The following NDUFAF2 variants were observed in gnomAD, a reference collection of about 807,000 sequenced individuals.
NDUFAF2 encodes the protein NADH dehydrogenase [ubiquinone] 1 alpha subcomplex assembly factor 2.
A neutral mutation model predicts 22.8 loss-of-function variants in NDUFAF2; 13 were observed. The ratio of observed to expected loss-of-function variants is 0.57; its 90% confidence interval spans 0.37 to 0.91. NDUFAF2 has a LOEUF of 0.91. NDUFAF2 is among the 40% of genes least tolerant of loss of function. NDUFAF2 has a pLI of 0.01. For synonymous variants in NDUFAF2, 53 were observed against 64.2 expected, an observed-to-expected ratio of 0.83 and a Z score of 0.84; for missense variants, 162 against 195.2, an observed-to-expected ratio of 0.83 and a Z score of 1.01.
At chr5:60,956,343 T>G (rs1750615770) in intron 1 of NDUFAF2, among the ~76,000 whole-genome samples, 1 of 152,192 alleles carries the variant, frequency 6.6e-6, no homozygotes, top group Admixed American at 6.5e-5. Flanking sequence ...ATGCCATTTA[T>G]TTGTTTTTCT....
chr5:61,034,920 G>GTA (rs2112611841), intron 1 of NDUFAF2, among the ~76,000 whole-genome samples: 1 of 151,584 alleles, frequency 6.6e-6, no homozygotes, highest in East Asian at 1.9e-4. Context: ...ATATGTGTGT[G>GTA]TGTGTGTGTG....
At chr5:61,044,841 GT>G (rs1751926919) in intron 1 of NDUFAF2, among the ~76,000 whole-genome samples, 1 of 151,742 alleles carries the variant, frequency 6.6e-6, no homozygotes, top group African/African-American at 2.4e-5. Flanking sequence ...TTTTAAGATT[GT>G]TTTTTCTATC....
chr5:60,953,894 A>T (rs1750580572), intron 1 of NDUFAF2, among the ~76,000 whole-genome samples: 1 of 152,172 alleles, frequency 6.6e-6, no homozygotes, highest in African/African-American at 2.4e-5. Context: ...TAGTCGGTAT[A>T]AAATTATTTG....
At chr5:61,000,561 C>T (rs1046268615) in intron 1 of NDUFAF2, among the ~76,000 whole-genome samples, 6 of 152,098 alleles carry the variant, frequency 3.9e-5, no homozygotes, top group African/African-American at 1.4e-4. Flanking sequence ...TCTCTAACAA[C>T]AATGAAATTA....
At chr5:61,110,026 G>C (rs866749958) in intron 3 of NDUFAF2, among the ~76,000 whole-genome samples, 2 of 152,090 alleles carry the variant, frequency 1.3e-5, no homozygotes, top group Admixed American at 6.6e-5. Context: ...TATCATGAAA[G>C]GATGTTGAAT....
At chr5:60,966,795 C>T (rs748995416) in intron 1 of NDUFAF2, among the ~76,000 whole-genome samples, 11 of 152,038 alleles carry the variant, frequency 7.2e-5, no homozygotes, top group Non-Finnish European at 1.0e-4. Context: ...CAGCCTTGTT[C>T]CTTCTGCTCA....
intron 1 of NDUFAF2, among the ~76,000 whole-genome samples, chr5:61,028,881 G>T (rs904246566): frequency 2.0e-5 from 3 of 152,020 alleles, no homozygotes; most frequent in Non-Finnish European, 1.5e-5. Flanking sequence ...TATATTTTGT[G>T]TATTATCTCT....
intron 2 of NDUFAF2, among the ~76,000 whole-genome samples, chr5:61,089,767 A>AT (rs2111753536): frequency 6.6e-6 from 1 of 152,226 alleles, no homozygotes; most frequent in Admixed American, 6.6e-5. Flanking sequence ...TACATTCAGT[A>AT]TTTAAGTTCT....
At chr5:61,130,435 A>G (rs1308128334) in intron 3 of NDUFAF2, among the ~76,000 whole-genome samples, 2 of 152,244 alleles carry the variant, frequency 1.3e-5, no homozygotes, top group Middle Eastern at 3.4e-3. Flanking sequence ...ACTCTTGGTT[A>G]TCATGAAAGC....
intron 1 of NDUFAF2, among the ~76,000 whole-genome samples, chr5:61,062,643 G>T (rs533796627): frequency 1.3e-5 from 2 of 152,254 alleles, no homozygotes; most frequent in Non-Finnish European, 2.9e-5. Context: ...CTTATTTAAT[G>T]AAGTAATTGC....
intron 1 of NDUFAF2, among the ~76,000 whole-genome samples, chr5:60,976,982 G>A (rs1380068072): frequency 6.6e-6 from 1 of 152,030 alleles, no homozygotes; most frequent in Non-Finnish European, 1.5e-5. Flanking sequence ...GTTTGTGCTT[G>A]TGTTTTAATT....
chr5:61,001,446 T>TA (rs1751294073), intron 1 of NDUFAF2, among the ~76,000 whole-genome samples: 1 of 152,092 alleles, frequency 6.6e-6, no homozygotes, highest in Admixed American at 6.6e-5. Context: ...TCATCACGCT[T>TA]ATGTGCTGTC....
At chr5:61,138,096 A>G (rs1254636348) in intron 3 of NDUFAF2, among the ~76,000 whole-genome samples, 1 of 152,232 alleles carries the variant, frequency 6.6e-6, no homozygotes, top group Non-Finnish European at 1.5e-5. Context: ...GCAGCTGGGA[A>G]GCAAGTCCTT....
At chr5:61,020,699 T>C (rs1751570375) in intron 1 of NDUFAF2, among the ~76,000 whole-genome samples, 1 of 151,942 alleles carries the variant, frequency 6.6e-6, no homozygotes, top group Non-Finnish European at 1.5e-5. Flanking sequence ...GTATGATCTT[T>C]ATTTTTTTGA....
At chr5:61,089,496 T>C (rs1368630464) in intron 2 of NDUFAF2, among the ~76,000 whole-genome samples, 1 of 152,140 alleles carries the variant, frequency 6.6e-6, no homozygotes, top group Non-Finnish European at 1.5e-5. Flanking sequence ...GGAAATTGGG[T>C]ATGATTTTAC....
chr5:61,067,497 T>C (rs1284558422), intron 1 of NDUFAF2, among the ~76,000 whole-genome samples: 1 of 152,162 alleles, frequency 6.6e-6, no homozygotes, highest in Non-Finnish European at 1.5e-5. Context: ...ACTCATCATT[T>C]TTTATGGCTG....
chr5:60,969,076 G>C (rs573768757), intron 1 of NDUFAF2, among the ~76,000 whole-genome samples: 1 of 152,108 alleles, frequency 6.6e-6, no homozygotes, highest in African/African-American at 2.4e-5. Context: ...GTACTCCACT[G>C]TGTATGTGTA....
intron 1 of NDUFAF2, among the ~76,000 whole-genome samples, chr5:60,989,970 A>AT (rs1468913680): frequency 6.6e-6 from 1 of 152,208 alleles, no homozygotes; most frequent in Non-Finnish European, 1.5e-5. Context: ...CTATTAAGCC[A>AT]TAAAAAAGAA....
Position 61,153,019 on chromosome 5 carries a change from A to T in NDUFAF2, c.*64A>T. The T allele has an allele frequency of 6.4e-7, 1 of 1,559,680 alleles. No homozygotes were observed. Among genetic ancestry groups the T allele is most frequent in the Non-Finnish European group, 8.8e-7 (1 of 1,138,122 alleles). ...ACTATTTTAACAAATAAAAGAAGTG[A>T]AAAGTTATTTACCTTGTATTTTCTG... On this transcript the variant is annotated 3_prime_UTR_variant, in exon 4 of 4. Coordinates refer to ENST00000296597, the MANE Select transcript of NDUFAF2 (RefSeq NM_174889.5).
Sources: gnomAD v4.1 joint callset for allele counts (sites outside exome capture counted in the v4.1 genomes callset) on GRCh38, gnomAD v4.1.1 for gene constraint, MANE v1.5 for transcripts, NCBI Gene and HGNC (gene_info 2026-07-23, HGNC 2026-07-21) for gene names.